BZW1: variants seen among roughly 807,000 people sequenced by gnomAD.
The protein encoded by BZW1 is basic leucine zipper and W2 domains 1, also known as eIF5-mimic protein 2.
BZW1 carries 3 observed loss-of-function variants against 54.1 expected under a neutral mutation model. That is an observed-to-expected ratio of 0.06 (90% CI 0.03 to 0.14). BZW1 has a LOEUF of 0.14. BZW1 is among the 10% of genes least tolerant of loss of function. The probability of loss-of-function intolerance (pLI) is 1.00; values close to 1 mark genes in which losing one functional copy is unlikely to be tolerated. For missense variants in BZW1, 206 were observed against 491.7 expected (o/e 0.42, Z 5.50); for synonymous variants, 152 against 162.7 (o/e 0.93, Z 0.50).
chr2:200,812,493 G>C, intron 1 of BZW1: 1 of 1,374,554 alleles, frequency 7.3e-7, no homozygotes, highest in Non-Finnish European at 9.4e-7. Flanking sequence ...CAGGCGACAG[G>C]GTCAGTGGAG....
chr2:200,814,266 A>G (rs1447513502), intron 2 of BZW1, among the ~76,000 whole-genome samples: 1 of 152,194 alleles, frequency 6.6e-6, no homozygotes, highest in African/African-American at 2.4e-5. Context: ...TCTTATTATT[A>G]GCATCAGGGA....
At chr2:200,820,885 C>T (rs950036540) in intron 10 of BZW1, among the ~76,000 whole-genome samples, 9 of 152,182 alleles carry the variant, frequency 5.9e-5, no homozygotes, top group African/African-American at 2.2e-4. Context: ...GTTCCCTTTT[C>T]TCCTGATCCC....
rs2038704204 is a variant in BZW1, at chr2:200,826,442, T to A, written c.*4264T>A. 1 of 121,518 alleles carries A rather than the reference T, an allele frequency of 8.2e-6. No individual in the cohort carries two copies. The highest frequency in any genetic ancestry group is 3.2e-5 in the African/African-American group (1 of 30,914). The allele number at this position is 121,518 out of a possible 1,614,324, so 7.5% of individuals were successfully genotyped here. A position where few individuals can be genotyped will look rare whatever the true frequency, so the allele number is the denominator to read the frequency against. On this transcript the variant is annotated 3_prime_UTR_variant, in exon 12 of 12. Transcript: ENST00000409600. ...TTTTTTTTTTTTTTTTTTTTTTTTT[T>A]GAGACAGAGTCTCGCTCTGTCGCCC...
chr2:200,817,165 T>G lies in BZW1; in HGVS notation c.462T>G (p.Thr154=). ...AGAGGAACAAGCTAGCTATGTTGAC[T>G]GGTGTTCTTCTGGCTAATGGAACAC... ...ESERNKLAML[T]GVLLANGTLN... is the part of the protein sequence containing the mutation. Residue 154 remains threonine, a synonymous_variant, in exon 6 of 12, where the codon ACT becomes ACG. Transcript: ENST00000409600. 2 of 1,613,912 alleles carry G rather than the reference T, an allele frequency of 1.2e-6. No homozygotes were observed. The highest frequency in any genetic ancestry group is 1.7e-6 in the Non-Finnish European group (2 of 1,179,866).
At chr2:200,811,901 C>T (rs952335076), upstream of BZW1, 17 of 216,610 alleles carry the variant, frequency 7.8e-5, no homozygotes, top group Admixed American at 9.4e-4. Flanking sequence ...TCTCCCTCCT[C>T]CTGGCGTTAG....
chr2:200,813,850 A>G (rs1398174539), intron 2 of BZW1, among the ~76,000 whole-genome samples: 1 of 152,234 alleles, frequency 6.6e-6, no homozygotes, highest in Non-Finnish European at 1.5e-5. Flanking sequence ...AGTGATATAA[A>G]GCTAAATAAG....
At position 200,817,202 on chromosome 2, in the gene BZW1, A is replaced by G. The variant is rs1297113687; in HGVS notation, c.499A>G (p.Ile167Val). 1.2e-6 allele frequency: 2 copies of G among 1,613,688 alleles called. No individual in the cohort carries two copies. Among genetic ancestry groups the G allele is most frequent in the Non-Finnish European group, 1.7e-6 (2 of 1,179,890 alleles). Residue 167 changes from isoleucine (I) to valine (V), a missense_variant, in exon 6 of 12, where the codon ATT (isoleucine) becomes GTT (valine). Ile to Val is a conservative substitution (Grantham distance 29). This residue lies in a region of BZW1 where 81 missense variants were observed against 257.1 expected (regional missense o/e 0.32). Coordinates refer to ENST00000409600, the MANE Select transcript of BZW1 (RefSeq NM_001207067.2). ...GGCTAATGGAACACTTAATGCATCC[A>G]TTCTTAATAGCCTTTATAATGAAAA... ...LLANGTLNAS[I>V]LNSLYNENLV...
rs1272784238 is a variant in BZW1, at chr2:200,826,604, A to G, written c.*4426A>G. ...GCCCGGCTAAGGTATTTTTAAATGT[A>G]CTCAATCACTGTCATTTTAGTAACC... On this transcript the variant is annotated 3_prime_UTR_variant, in exon 12 of 12. Transcript: ENST00000409600. The G allele has an allele frequency of 1.3e-5, 2 of 149,874 alleles. No individual in the cohort carries two copies. Among genetic ancestry groups the G allele is most frequent in the Non-Finnish European group, 3.0e-5 (2 of 67,228 alleles). 9.3% of individuals were successfully genotyped at this position (149,874 alleles called of 1,614,324 possible). A position where few individuals can be genotyped will look rare whatever the true frequency, so the allele number is the denominator to read the frequency against.
Position 200,820,014 on chromosome 2 carries a change from T to A in BZW1, c.999T>A (p.Thr333=). 6.5e-7 allele frequency: 1 copy of A among 1,537,120 alleles called. No individual in the cohort carries two copies. Among genetic ancestry groups the A allele is most frequent in the Non-Finnish European group, 8.8e-7 (1 of 1,140,314 alleles). ...QYSPLLAAFT[T]QGQSELTLLL... is the part of the protein sequence containing the mutation. Reference sequence around the variant, plus strand: ...GCCCTCTACTTGCTGCCTTTACTACTCAAGGTCAGTCTGAGCTGACTCTGT... The same window carrying A: ...GCCCTCTACTTGCTGCCTTTACTACACAAGGTCAGTCTGAGCTGACTCTGT... The change falls in exon 10 of 12, where the codon ACT becomes ACA. Residue 333 remains threonine (T), a synonymous_variant. Transcript: ENST00000409600.
chr2:200,812,366 C>T lies in BZW1; in HGVS notation c.-11+376C>T, dbSNP rs1409698623. 6.2e-6 allele frequency: 8 copies of T among 1,281,814 alleles called. 1 individual carries two copies. In the South Asian group the frequency reaches 1.3e-4, roughly 21 times the overall value. The allele number at this position is 1,281,814 out of a possible 1,614,324, so 79.4% of individuals were successfully genotyped here. On this transcript the variant is annotated intron_variant, in intron 1 of 11. Transcript: ENST00000409600. ...GAGGGGCTGCCACCCACCACCGCTG[C>T]GGCCGCCGCCTCCGCCGCTGCTTTC...
chr2:200,813,354 T>G, intron 2 of BZW1, 73 bp downstream of exon 2: 2 of 1,319,828 alleles, frequency 1.5e-6, no homozygotes, highest in Non-Finnish European at 1.1e-6. Flanking sequence ...CTCTGACAGG[T>G]ACTTGCATAT....
intron 1 of BZW1, 37 bp from the exon 2 acceptor site, chr2:200,813,171 T>C: frequency 6.5e-7 from 1 of 1,542,054 alleles, no homozygotes; most frequent in Non-Finnish European, 8.9e-7. Flanking sequence ...ATTAGTATTA[T>C]GGCACTGATA....
intron 2 of BZW1, 80 bp downstream of exon 2, chr2:200,813,361 A>T (rs1465745449): frequency 7.9e-7 from 1 of 1,258,990 alleles, no homozygotes; most frequent in East Asian, 2.4e-5. Context: ...AGGTACTTGC[A>T]TATTACTAAA....
Position 200,816,337 on chromosome 2 carries a change from T to C in BZW1, c.349T>C (p.Leu117=), listed in dbSNP as rs377667647. 9 of 1,588,220 alleles carry C rather than the reference T, an allele frequency of 5.7e-6. No homozygotes were observed. The highest frequency in any genetic ancestry group is 7.8e-6 in the Non-Finnish European group (9 of 1,161,266). ...MQAFAQVFNK[L]IRRYKYLEKG... is the part of the protein sequence containing the mutation. The stretch of plus-strand genomic sequence containing the variant: ...ATGTTCTTCATAGGTTTTTAACAAG[T>C]TAATCAGGCGCTACAAATACCTGGA... The change falls in exon 5 of 12, where the codon TTA becomes CTA. Residue 117 remains leucine (L), a synonymous_variant. Transcript: ENST00000409600.
chr2:200,813,261 G>A lies in BZW1; in HGVS notation c.44G>A (p.Arg15His). Reference sequence around the variant, plus strand: ...CAAAAGCCAACGCTATCAGGCCAGCGTTTTAAAACTAGAAAAAGAGGTAAA... The same window carrying A: ...CAAAAGCCAACGCTATCAGGCCAGCATTTTAAAACTAGAAAAAGAGGTAAA... ...KQQKPTLSGQRFKTRKRDEKE... is the reference protein window; with the variant it reads ...KQQKPTLSGQHFKTRKRDEKE... Residue 15 changes from arginine to histidine, a missense_variant, in exon 2 of 12, where the codon CGT becomes CAT. This residue lies in a region of BZW1 where 8 missense variants were observed against 26.9 expected (regional missense o/e 0.30). Coordinates refer to ENST00000409600, the MANE Select transcript of BZW1 (RefSeq NM_001207067.2). The A allele has an allele frequency of 6.2e-7, 1 of 1,613,350 alleles. No individual in the cohort carries two copies. Among genetic ancestry groups the A allele is most frequent in the Non-Finnish European group, 8.5e-7 (1 of 1,179,652 alleles).
rs143716317 is a variant in BZW1, at chr2:200,813,534, A to AC, written c.64+253_64+254insC. 527 of 289,850 alleles carry AC rather than the reference A, an allele frequency of 1.8e-3. 5 individuals are homozygous for AC. Among genetic ancestry groups the AC allele is most frequent in the African/African-American group, 0.011 (500 of 45,720 alleles). 18.0% of individuals were successfully genotyped at this position (289,850 alleles called of 1,614,324 possible). The stretch of plus-strand genomic sequence containing the variant: ...CTTCTTTTCGGTGTGAAGGTAAAAT[A>AC]TTTTTAAAAATAAAAATAAGGGCTC... On this transcript the variant is annotated intron_variant, in intron 2 of 11. Coordinates refer to ENST00000409600, the MANE Select transcript of BZW1 (RefSeq NM_001207067.2).
chr2:200,822,123 G>A (rs1284916621), intron 11 of BZW1, 24 bp from the exon 12 acceptor site: 2 of 1,594,654 alleles, frequency 1.3e-6, no homozygotes, highest in Non-Finnish European at 1.7e-6. Flanking sequence ...CATAATGTTT[G>A]ACTGTTTTTT....
At position 200,826,393 on chromosome 2, in the gene BZW1, ATAGATAGATAGATATTTTTTTT is replaced by A. The variant is rs1686558692; in HGVS notation, c.*4217_*4238del. On this transcript the variant is annotated 3_prime_UTR_variant, in exon 12 of 12. Coordinates refer to ENST00000409600, the MANE Select transcript of BZW1 (RefSeq NM_001207067.2). ...AAGATATAGATAGATAGATAGATAG[ATAGATAGATAGATATTTTTTTT>A]TTTTTTTTTTTTTTTTTTTTTTTTT... The A allele has an allele frequency of 2.7e-5, 3 of 113,080 alleles. No individual in the cohort carries two copies. Among genetic ancestry groups the A allele is most frequent in the African/African-American group, 7.2e-5 (2 of 27,794 alleles). 7.0% of individuals were successfully genotyped at this position (113,080 alleles called of 1,614,324 possible). A position where few individuals can be genotyped will look rare whatever the true frequency, so the allele number is the denominator to read the frequency against.
At chr2:200,812,269 C>T (rs1575044166) in intron 1 of BZW1, 19 of 1,232,206 alleles carry the variant, frequency 1.5e-5, no homozygotes, top group Non-Finnish European at 1.8e-5. Flanking sequence ...GGGCCGTGCC[C>T]GGCCTGGCTA....
Sources: gnomAD v4.1 joint callset for allele counts (sites outside exome capture counted in the v4.1 genomes callset) on GRCh38, gnomAD v4.1.1 for gene constraint, gnomAD v4.1.1 regional missense constraint, MANE v1.5 for transcripts, NCBI Gene and HGNC (gene_info 2026-07-23, HGNC 2026-07-21) for gene names.